Variants in TYK2 observed in about 807,000 individuals in gnomAD.
TYK2 encodes the protein non-receptor tyrosine-protein kinase TYK2.
TYK2 carries 65 observed loss-of-function variants against 130.9 expected under a neutral mutation model. The ratio of observed to expected loss-of-function variants is 0.50; its 90% CI spans 0.41 to 0.61. The LOEUF (loss-of-function observed/expected upper bound fraction) is 0.61. Among genes scored for constraint, TYK2 ranks in the 20% least tolerant of loss-of-function variants. The probability of loss-of-function intolerance (pLI) is 0.00; values close to 1 mark genes in which losing one functional copy is unlikely to be tolerated. For synonymous variants in TYK2, 647 were observed against 658.9 expected (o/e 0.98, Z 0.28); for missense variants, 1,378 against 1,610.7 (o/e 0.86, Z 2.47).
At chr19:10,357,297 G>A in intron 17 of TYK2, 1 of 584,038 alleles carries the variant, frequency 1.7e-6, no homozygotes, top group South Asian at 2.0e-5. Flanking sequence ...GCTGAGACAG[G>A]AGAATCGCTT....
In TYK2 at chr19:10,368,574, C is replaced by T. The variant is rs576895979; in HGVS notation, c.194-156G>A. The T allele has an allele frequency of 2.1e-5, 22 of 1,044,192 alleles. No homozygotes were observed. In the Admixed American group the frequency reaches 2.4e-4, roughly 11 times the overall value. The allele number at this position is 1,044,192 out of a possible 1,614,324, so 64.7% of individuals were successfully genotyped here. On this transcript the variant is annotated intron_variant, in intron 3 of 24. Coordinates refer to ENST00000525621, the MANE Select transcript of TYK2 (RefSeq NM_003331.5). ...CGTTGCCCCTGGGCAGAGGACAGTG[C>T]GTATGTTGCCCATGCTGTGGCCTCA...
rs199855412 is a variant in TYK2, at chr19:10,364,755, G to A, written c.1226C>T (p.Ser409Phe). 6 of 1,613,960 alleles carry A rather than the reference G, an allele frequency of 3.7e-6. No homozygotes were observed. In the East Asian group the frequency reaches 1.3e-4, roughly 36 times the overall value. Residue 409 changes from serine (S) to phenylalanine (F), a missense_variant, in exon 9 of 25, where the codon TCC (serine) becomes TTC (phenylalanine). Transcript: ENST00000525621. This position sits in a 1 kb window ranked among gnomAD's most constrained non-coding sequence, Gnocchi z 4.9. ...CACGAAGGACAGCGCCGCAGCCCGGGAAGGCAAGCTCAGCTCCTGCCAGCC... is the reference window on the plus strand; with the variant it reads ...CACGAAGGACAGCGCCGCAGCCCGGAAAGGCAAGCTCAGCTCCTGCCAGCC... ...DNKCLELSLP[S>F]RAAALSFVSL...
At position 10,354,123 on chromosome 19, in the gene TYK2, C is replaced by T; in HGVS notation, c.2827G>A (p.Gly943Ser). The T allele has an allele frequency of 6.2e-7, 1 of 1,614,122 alleles. No homozygotes were observed. Among genetic ancestry groups the T allele is most frequent in the East Asian group, 2.2e-5 (1 of 44,894 alleles). ...KADCGPQHRSGWKQEIDILRT... is the reference protein window; with the variant it reads ...KADCGPQHRSSWKQEIDILRT... ...AGAATGTCAATCTCCTGCTTCCAGC[C>T]CGAGCGGTGCTGGGGGCCGCAGTCT... is the stretch of plus-strand genomic sequence containing the variant. The change falls in exon 20 of 25, where the codon GGC (glycine) becomes AGC (serine). Residue 943 changes from glycine to serine, a missense_variant. Physicochemically the swap from Gly to Ser is moderately conservative, Grantham distance 56. Transcript: ENST00000525621.
chr19:10,354,835 A>G (rs2145161105), intron 18 of TYK2, among the ~76,000 whole-genome samples: 1 of 151,914 alleles, frequency 6.6e-6, no homozygotes, highest in African/African-American at 2.4e-5. Context: ...AGATCACTTG[A>G]GCCCGGGAGT....
At chr19:10,359,442 G>A in intron 14 of TYK2, 140 bp from the exon 15 acceptor site, 1 of 1,033,590 alleles carries the variant, frequency 9.7e-7, no homozygotes. Flanking sequence ...GTTTGGTCTG[G>A]GTTGAAAGTG....
rs768691408 is a variant in TYK2 at position 10,371,701 on chromosome 19, G to A, written c.194-3283C>T. Among the ~76,000 whole-genome samples the A allele has an allele frequency of 6.6e-5, 10 of 152,162 alleles. No individual in the cohort carries two copies. In the Middle Eastern group the frequency reaches 0.01, roughly 155 times the overall value. ...TACTGCAGACGTCCCTCTGCAATGT[G>A]CTTTTTCAGGCTACGAGAGGTTATA... On this transcript the variant is annotated intron_variant, in intron 3 of 24. Transcript: ENST00000525621.
At chr19:10,372,142 C>T (rs1378015081) in intron 3 of TYK2, among the ~76,000 whole-genome samples, 3 of 151,812 alleles carry the variant, frequency 2.0e-5, no homozygotes, top group Non-Finnish European at 2.9e-5. Context: ...AGGCGCCCGC[C>T]ACCATGCCCA....
In TYK2 at chr19:10,352,837, C is replaced by A. The variant is rs1432328605; in HGVS notation, c.3200+89G>T. 5 of 1,451,784 alleles carry A rather than the reference C, an allele frequency of 3.4e-6. No homozygotes were observed. In the African/African-American group the frequency reaches 5.6e-5, roughly 16 times the overall value. 89.9% of individuals were successfully genotyped at this position (1,451,784 alleles called of 1,614,324 possible). The stretch of plus-strand genomic sequence containing the variant: ...CCCGCCGCGCTTCACTGGGATCATG[C>A]CCTATCATGATACCCAGCATCCGTC... On this transcript the variant is annotated intron_variant, in intron 22 of 24. Transcript: ENST00000525621.
intron 15 of TYK2, among the ~76,000 whole-genome samples, 156 bp from the exon 16 acceptor site, chr19:10,358,294 GTT>G (rs770531180): frequency 1.2e-3 from 110 of 91,386 alleles, no homozygotes; most frequent in Non-Finnish European, 1.4e-3. Flanking sequence ...TTTTTTTCTT[GTT>G]TTTTTTTTTT....
chr19:10,353,461 T>C lies in TYK2; in HGVS notation c.3027+67A>G, dbSNP rs1380378502. 4 of 1,168,434 alleles carry C rather than the reference T, an allele frequency of 3.4e-6. No individual in the cohort carries two copies. Among genetic ancestry groups the C allele is most frequent in the African/African-American group, 1.6e-5 (1 of 64,294 alleles). The allele number at this position is 1,168,434 out of a possible 1,614,324, so 72.4% of individuals were successfully genotyped here. ...GAGCGTGAGAGCAGACTGCACCGGA[T>C]CGCTCAGGCCAGCCCAAGCTGAAGA... On this transcript the variant is annotated intron_variant, in intron 21 of 24. Coordinates refer to ENST00000525621, the MANE Select transcript of TYK2 (RefSeq NM_003331.5). The surrounding 1 kb of genome is among the most constrained non-coding windows in gnomAD (Gnocchi z 6.9).
chr19:10,359,427 G>A, intron 14 of TYK2, 125 bp from the exon 15 acceptor site: 1 of 1,184,198 alleles, frequency 8.4e-7, no homozygotes, highest in South Asian at 1.3e-5. Flanking sequence ...AGAGGTGTGG[G>A]TGGAGTTTGG....
rs756169718 is a variant in TYK2 at position 10,365,717 on chromosome 19, C to T, written c.811G>A (p.Gly271Ser). The change falls in exon 7 of 25, where the codon GGC (glycine) becomes AGC (serine). Residue 271 changes from glycine (G) to serine (S), a missense_variant. Transcript: ENST00000525621. ...ATLERLAPRFGTERVPVCHLR... is the reference protein window; with the variant it reads ...ATLERLAPRFSTERVPVCHLR... ...TGGCACACGGGCACACGCTCTGTGC[C>T]GAAGCGGGGTGCCAGCCGCTCGAGT... is the stretch of plus-strand genomic sequence containing the variant. 5 of 1,612,916 alleles carry T rather than the reference C, an allele frequency of 3.1e-6. No individual in the cohort carries two copies. Among genetic ancestry groups the T allele is most frequent in the Admixed American group, 3.3e-5 (2 of 59,964 alleles).
chr19:10,354,629 T>C lies in TYK2; in HGVS notation c.2618-20A>G, dbSNP rs1347071354. 1 of 1,601,142 alleles carries C rather than the reference T, an allele frequency of 6.2e-7. No individual in the cohort carries two copies. Among genetic ancestry groups the C allele is most frequent in the Non-Finnish European group, 8.6e-7 (1 of 1,168,604 alleles). ...CAAGATCTGGAAGAGTTGCGGTGGG[T>C]AAAGGCCTGACCCCGATCCTTTCCC... is the stretch of plus-strand genomic sequence containing the variant. On this transcript the variant is annotated intron_variant, in intron 18 of 24. Coordinates refer to ENST00000525621, the MANE Select transcript of TYK2 (RefSeq NM_003331.5).
At chr19:10,366,731 GCTA>G in intron 5 of TYK2, 151 bp from the exon 6 acceptor site, 2 of 521,524 alleles carry the variant, frequency 3.8e-6, no homozygotes, top group Non-Finnish European at 6.4e-6. Context: ...TAGCTGATGA[GCTA>G]AAAAAAAAAA....
chr19:10,370,826 T>TAATAA (rs1486803889), intron 3 of TYK2, among the ~76,000 whole-genome samples: 1 of 151,714 alleles, frequency 6.6e-6, no homozygotes, highest in African/African-American at 2.4e-5. Flanking sequence ...AAAAAAATAA[T>TAATAA]AATAAAATGA....
chr19:10,379,351 A>C (rs1430262984), intron 2 of TYK2, among the ~76,000 whole-genome samples: 1 of 150,174 alleles, frequency 6.7e-6, no homozygotes, highest in Admixed American at 6.7e-5. Flanking sequence ...TAAATAAATA[A>C]ATAAATAAGT....
At position 10,378,196 on chromosome 19, in the gene TYK2, C is replaced by T; in HGVS notation, c.193+18G>A. 1 of 1,612,050 alleles carries T rather than the reference C, an allele frequency of 6.2e-7. No individual in the cohort carries two copies. The highest frequency in any genetic ancestry group is 8.5e-7 in the Non-Finnish European group (1 of 1,179,670). ...CACACCCACCCCAGTCCCCATGGTGCCAACGCCCCAGACTCACCAACTTTA... is the reference window on the plus strand; with the variant it reads ...CACACCCACCCCAGTCCCCATGGTGTCAACGCCCCAGACTCACCAACTTTA... On this transcript the variant is annotated intron_variant, in intron 3 of 24. Transcript: ENST00000525621.
rs199970578 is a variant in TYK2, at chr19:10,362,480, G to A, written c.1477-24C>T. 83 of 1,578,106 alleles carry A rather than the reference G, an allele frequency of 5.3e-5. No individual in the cohort carries two copies. In the African/African-American group the frequency reaches 8.9e-4, roughly 17 times the overall value. ...GCCTGGCAGGAGGTGGCAGAGGTGG[G>A]AGCAGTAAGCAGGGGACCAGGCAGG... On this transcript the variant is annotated intron_variant, in intron 10 of 24. Coordinates refer to ENST00000525621, the MANE Select transcript of TYK2 (RefSeq NM_003331.5).
At chr19:10,372,790 T>C (rs940573516) in intron 3 of TYK2, among the ~76,000 whole-genome samples, 1 of 151,802 alleles carries the variant, frequency 6.6e-6, no homozygotes, top group East Asian at 1.9e-4. Flanking sequence ...TGCATCCAGC[T>C]TTGACTGTGT....
Sources: allele counts gnomAD v4.1 joint callset (sites outside exome capture counted in the v4.1 genomes callset), GRCh38; gene constraint gnomAD v4.1.1; non-coding constraint Gnocchi (gnomAD v3.1); transcripts MANE v1.5; gene names NCBI Gene and HGNC (gene_info 2026-07-23, HGNC 2026-07-21).